Variants in PTPRN2 observed in about 807,000 individuals in gnomAD.
PTPRN2 encodes the protein protein tyrosine phosphatase receptor type N2.
In PTPRN2, 74 loss-of-function variants were observed where a neutral mutation model predicts 118.8. That is an observed-to-expected ratio of 0.62 (90% confidence interval 0.52 to 0.76). The LOEUF (loss-of-function observed/expected upper bound fraction) is 0.76. Ranked by LOEUF, PTPRN2 falls within the 30% of genes least tolerant of loss-of-function variation. The pLI is 0.00. For missense variants in PTPRN2, 1,481 were observed against 1,394.4 expected, an observed-to-expected ratio of 1.06 and a Z score of -0.99; for synonymous variants, 641 against 608.0, an observed-to-expected ratio of 1.05 and a Z score of -0.80.
intron 11 of PTPRN2, among the ~76,000 whole-genome samples, chr7:157,960,334 C>G (rs1206311439): frequency 1.3e-5 from 2 of 152,132 alleles, no homozygotes; most frequent in African/African-American, 4.8e-5. Flanking sequence ...GTAAATTTTA[C>G]TTTATGTATA....
rs1371644913 is a variant in PTPRN2 at position 157,576,669 on chromosome 7, C to T, written c.2727G>A (p.Leu909=). The T allele has an allele frequency of 3.1e-6, 5 of 1,612,702 alleles. No homozygotes were observed. In the East Asian group the frequency reaches 6.7e-5, roughly 22 times the overall value. The change falls in exon 19 of 23, where the codon CTG becomes CTA. Residue 909 remains leucine, a synonymous_variant. Transcript: ENST00000389418. The part of the protein sequence containing the change: ...ETRTVTQFHF[L]SWYDRGVPSS... ...AAGGGACTCCTCGGTCATACCAACT[C>T]AGGAAGTGGAACTGCGTCACGGTGC... is the stretch of plus-strand genomic sequence containing the variant.
chr7:157,819,067 C>T (rs1404004167), intron 12 of PTPRN2, among the ~76,000 whole-genome samples: 1 of 152,176 alleles, frequency 6.6e-6, no homozygotes, highest in Non-Finnish European at 1.5e-5. Flanking sequence ...ATTTCTGCCA[C>T]TAAGCTGCCC....
chr7:158,183,591 G>A (rs767736504), intron 5 of PTPRN2, among the ~76,000 whole-genome samples: 12 of 152,266 alleles, frequency 7.9e-5, no homozygotes, highest in Non-Finnish European at 1.3e-4. Context: ...GCTGGAGACT[G>A]GGAATGCACA....
intron 11 of PTPRN2, among the ~76,000 whole-genome samples, chr7:158,065,232 T>C (rs1166741312): frequency 6.6e-6 from 1 of 152,230 alleles, no homozygotes; most frequent in Non-Finnish European, 1.5e-5. Flanking sequence ...GGCCCCAAGA[T>C]GCACTCAGGC....
At chr7:157,943,531 C>T (rs6947277) in intron 11 of PTPRN2, among the ~76,000 whole-genome samples, 5,229 of 152,006 alleles carry the variant, frequency 0.034, 299 homozygotes, top group African/African-American at 0.12. Context: ...CTGTTGGTTC[C>T]GAGGAGGCCC....
chr7:158,188,178 T>C (rs7787892), intron 5 of PTPRN2, among the ~76,000 whole-genome samples: 5,620 of 68,960 alleles, frequency 0.081, 705 homozygotes, highest in Non-Finnish European at 0.12. Context: ...GCCGCCACGC[T>C]CGCCCCGCGA....
intron 5 of PTPRN2, among the ~76,000 whole-genome samples, chr7:158,188,185 G>GTACTGGGAAGGC (rs1825355223): frequency 6.3e-5 from 3 of 47,950 alleles, no homozygotes; most frequent in Non-Finnish European, 9.6e-5. Context: ...CGCTCGCCCC[G>GTACTGGGAAGGC]CGATGGGGAA....
intron 1 of PTPRN2, among the ~76,000 whole-genome samples, chr7:158,560,348 C>T (rs566853499): frequency 1.3e-5 from 2 of 152,358 alleles, no homozygotes; most frequent in South Asian, 2.1e-4. Context: ...CAGAAGTGGG[C>T]GTGTTTTAAC....
Position 158,544,661 on chromosome 7 carries a change from T to A in PTPRN2, c.112+42897A>T, listed in dbSNP as rs2129449748. The stretch of plus-strand genomic sequence containing the variant: ...CTCAAAAAAAAAAAAAATTATGAGA[T>A]TTTTTTGCAATTTTTTAAAGCTCAT... On this transcript the variant is annotated intron_variant, in intron 1 of 22. Transcript: ENST00000389418. This position sits in a 1 kb window ranked among gnomAD's most constrained non-coding sequence, Gnocchi z 4.2. Among the ~76,000 whole-genome samples the A allele has an allele frequency of 6.6e-6, 1 of 152,040 alleles. No individual in the cohort carries two copies. The highest frequency in any genetic ancestry group is 1.9e-4 in the East Asian group (1 of 5,180).
chr7:158,279,468 A>G (rs1799263328), intron 3 of PTPRN2, among the ~76,000 whole-genome samples: 1 of 152,182 alleles, frequency 6.6e-6, no homozygotes, highest in African/African-American at 2.4e-5. Flanking sequence ...AGGCAGCCCA[A>G]TGGGAGCTCG....
chr7:157,559,054 C>T (rs541413249), intron 21 of PTPRN2, among the ~76,000 whole-genome samples: 13 of 152,364 alleles, frequency 8.5e-5, no homozygotes, highest in African/African-American at 2.9e-4. Flanking sequence ...CCCACACGCA[C>T]GTTCTGTCTC....
chr7:158,390,481 G>T (rs1397635229), intron 2 of PTPRN2, among the ~76,000 whole-genome samples: 2 of 152,202 alleles, frequency 1.3e-5, no homozygotes, highest in Non-Finnish European at 2.9e-5. Context: ...TCTGCCCCAG[G>T]ACAGTCACAG....
rs541809796 is a variant in PTPRN2 at position 157,763,602 on chromosome 7, G to T, written c.1789-80665C>A. 1.7e-3 allele frequency among the ~76,000 whole-genome samples: 262 copies of T among 152,158 alleles called. 1 individual carries two copies. The highest frequency in any genetic ancestry group is 3.7e-3 in the Admixed American group (56 of 15,278). ...CCCCCTGGCCATGGGGGAAGGCCACGCCCCTAACCTGACTGCAGATTAAAT... is the reference window on the plus strand; with the variant it reads ...CCCCCTGGCCATGGGGGAAGGCCACTCCCCTAACCTGACTGCAGATTAAAT... On this transcript the variant is annotated intron_variant, in intron 12 of 22. Transcript: ENST00000389418. The surrounding 1 kb of genome is among the most constrained non-coding windows in gnomAD (Gnocchi z 4.9).
At chr7:157,669,679 G>A in intron 13 of PTPRN2, 2 of 376,898 alleles carry the variant, frequency 5.3e-6, no homozygotes, top group South Asian at 3.9e-5. Context: ...AAAAATTAAA[G>A]ATATAGACAT....
intron 1 of PTPRN2, among the ~76,000 whole-genome samples, chr7:158,513,212 C>A (rs949988616): frequency 1.3e-5 from 2 of 152,164 alleles, no homozygotes; most frequent in East Asian, 3.9e-4. Flanking sequence ...AGGCACTTCA[C>A]CCCAATCTTC....
Position 158,298,370 on chromosome 7 carries a change from T to A in PTPRN2, c.277+18449A>T, listed in dbSNP as rs555808890. On this transcript the variant is annotated intron_variant, in intron 3 of 22. Transcript: ENST00000389418. ...TTGAATATCCCTCATCTGAAATGTT[T>A]GGGACTAGAAGTGCTTTGGATTTCA... Among the ~76,000 whole-genome samples, 240 of 152,326 alleles carry A rather than the reference T, an allele frequency of 1.6e-3. 1 individual carries two copies. The highest frequency in any genetic ancestry group is 5.3e-3 in the African/African-American group (219 of 41,564).
At chr7:158,153,044 C>T (rs1019426827) in intron 6 of PTPRN2, among the ~76,000 whole-genome samples, 14 of 151,826 alleles carry the variant, frequency 9.2e-5, no homozygotes, top group South Asian at 2.1e-4. Context: ...AAGAGCAGAC[C>T]GACAGACACC....
intron 5 of PTPRN2, among the ~76,000 whole-genome samples, chr7:158,182,233 T>C (rs1824775675): frequency 6.6e-6 from 1 of 152,244 alleles, no homozygotes; most frequent in African/African-American, 2.4e-5. Flanking sequence ...AAAATTCCTT[T>C]TGGAGTGGAT....
At chr7:158,274,194 C>T (rs1222843997) in intron 3 of PTPRN2, among the ~76,000 whole-genome samples, 2 of 132,912 alleles carry the variant, frequency 1.5e-5, no homozygotes, top group African/African-American at 5.9e-5. Flanking sequence ...ACACGAGGAG[C>T]CGCAGACACA....
Sources: gnomAD v4.1 joint callset for allele counts (sites outside exome capture counted in the v4.1 genomes callset) on GRCh38, gnomAD v4.1.1 for gene constraint, Gnocchi (gnomAD v3.1) non-coding constraint, MANE v1.5 for transcripts, NCBI Gene and HGNC (gene_info 2026-07-23, HGNC 2026-07-21) for gene names.